Variants in PLA2R1 observed in about 807,000 individuals in gnomAD.
PLA2R1 encodes secretory phospholipase A2 receptor.
Under a neutral mutation model 195.9 loss-of-function variants are expected in PLA2R1, and 158 were observed. The ratio of observed to expected loss-of-function variants is 0.81; its 90% CI spans 0.71 to 0.92. The LOEUF is 0.92. Among genes scored for constraint, PLA2R1 ranks in the 40% least tolerant of loss-of-function variants. The probability of loss-of-function intolerance (pLI) is 0.00; values close to 1 mark genes in which losing one functional copy is unlikely to be tolerated. For synonymous variants in PLA2R1, 586 were observed against 598.2 expected (o/e 0.98, Z 0.30); for missense variants, 1,626 against 1,764.6 (o/e 0.92, Z 1.41).
rs1020687532 is a variant in PLA2R1 at position 160,022,822 on chromosome 2, C to T, written c.1137G>A (p.Glu379=). Residue 379 remains glutamate (E), a synonymous_variant, in exon 7 of 30, where the codon GAG becomes GAA. Coordinates refer to ENST00000283243, the MANE Select transcript of PLA2R1 (RefSeq NM_007366.5). ...DAWKYYATHC[E]PGWNPYNRNC... Reference sequence around the variant, plus strand: ...TACGATTGTAGGGATTCCAGCCAGGCTCACAGTGGGTAGCATAATATTTCC... The same window carrying T: ...TACGATTGTAGGGATTCCAGCCAGGTTCACAGTGGGTAGCATAATATTTCC... 1.9e-6 allele frequency: 3 copies of T among 1,612,716 alleles called. No individual in the cohort carries two copies. The highest frequency in any genetic ancestry group is 1.7e-4 in the Middle Eastern group (1 of 6,058).
In PLA2R1 at chr2:159,947,462, G is replaced by C; in HGVS notation, c.3807C>G (p.Asp1269Glu). The C allele has an allele frequency of 6.2e-7, 1 of 1,613,214 alleles. No individual in the cohort carries two copies. Among genetic ancestry groups the C allele is most frequent in the Non-Finnish European group, 8.5e-7 (1 of 1,179,422 alleles). ...CATGAGCAGCCTCAAAACTCATACT[G>C]TCTAGGACTGTAGAAAAACTGTAGC... ...SNCYSFSTVL[D>E]SMSFEAAHEF... Residue 1269 changes from aspartate to glutamate, a missense_variant, in exon 26 of 30, where the codon GAC becomes GAG. Asp to Glu is a conservative substitution (Grantham distance 45, BLOSUM62 2). Transcript: ENST00000283243.
At chr2:159,950,517 T>C (rs770351730) in intron 24 of PLA2R1, among the ~76,000 whole-genome samples, 21 of 152,340 alleles carry the variant, frequency 1.4e-4, no homozygotes, top group African/African-American at 1.4e-4. Context: ...CAAATGTCTA[T>C]TCACAGGAGA....
At chr2:159,943,852 G>A (rs967724318) in intron 28 of PLA2R1, among the ~76,000 whole-genome samples, 3 of 151,350 alleles carry the variant, frequency 2.0e-5, no homozygotes, top group Admixed American at 2.0e-4. Context: ...CACTGTGGGG[G>A]TTTCAAACAT....
chr2:160,050,040 A>G (rs1192757574), intron 1 of PLA2R1, among the ~76,000 whole-genome samples: 1 of 152,202 alleles, frequency 6.6e-6, no homozygotes, highest in Non-Finnish European at 1.5e-5. Context: ...TGACAGGTGC[A>G]GGAAACCACC....
At chr2:159,991,156 C>T (rs17239981) in intron 11 of PLA2R1, among the ~76,000 whole-genome samples, 54,533 of 152,126 alleles carry the variant, frequency 0.36, 12,303 homozygotes, top group Non-Finnish European at 0.49. Flanking sequence ...TAAAATTATG[C>T]TCCTGTCCCA....
intron 17 of PLA2R1, among the ~76,000 whole-genome samples, chr2:159,974,257 G>A (rs1689387846): frequency 6.6e-6 from 1 of 152,134 alleles, no homozygotes; most frequent in South Asian, 2.1e-4. Flanking sequence ...ACCGTGTAGG[G>A]TTTTTAAATG....
chr2:159,958,647 G>T (rs1223926982), intron 20 of PLA2R1, among the ~76,000 whole-genome samples: 4 of 152,110 alleles, frequency 2.6e-5, no homozygotes, highest in Admixed American at 2.6e-4. Flanking sequence ...ACCCTAAAAT[G>T]GTTGTCAAAT....
At chr2:159,945,472 AT>A (rs1459387615) in intron 27 of PLA2R1, among the ~76,000 whole-genome samples, 1 of 152,116 alleles carries the variant, frequency 6.6e-6, no homozygotes, top group Non-Finnish European at 1.5e-5. Flanking sequence ...TCTTGCGATA[AT>A]TACTGAGAAT....
Position 159,996,441 on chromosome 2 carries a change from T to G in PLA2R1, c.1835-9083A>C, listed in dbSNP as rs143516403. On this transcript the variant is annotated intron_variant, in intron 11 of 29. Coordinates refer to ENST00000283243, the MANE Select transcript of PLA2R1 (RefSeq NM_007366.5). ...TCTTTGCTCCTCTAAAGATAAGGTG[T>G]TTTTCCCCTCTGGCTTCTTTCAAGA... 1.6e-3 allele frequency among the ~76,000 whole-genome samples: 248 copies of G among 152,182 alleles called. 1 individual carries two copies. Among genetic ancestry groups the G allele is most frequent in the Non-Finnish European group, 6.2e-4 (42 of 67,980 alleles).
chr2:159,928,321 ACCT>A (rs1205688037), downstream of PLA2R1, among the ~76,000 whole-genome samples: 13 of 152,090 alleles, frequency 8.5e-5, no homozygotes, highest in South Asian at 2.1e-4. Context: ...ACACCTATGC[ACCT>A]CCTACAGCAA....
At chr2:159,924,486 G>C in the PLA2R1 span, among the ~76,000 whole-genome samples, 1 of 152,318 alleles carries the variant, frequency 6.6e-6, no homozygotes, top group South Asian at 2.1e-4. Context: ...GGAGGCTGGG[G>C]AGTAGCTTCA....
chr2:160,020,094 G>T lies in PLA2R1; in HGVS notation c.1452+12C>A. The T allele has an allele frequency of 6.2e-7, 1 of 1,606,108 alleles. No individual in the cohort carries two copies. Among genetic ancestry groups the T allele is most frequent in the Non-Finnish European group, 8.5e-7 (1 of 1,175,566 alleles). On this transcript the variant is annotated intron_variant, in intron 8 of 29. Coordinates refer to ENST00000283243, the MANE Select transcript of PLA2R1 (RefSeq NM_007366.5). ...CCAGCAAAGTGAGCACTGAACAAATGAATCAACTTACAGACTGCTCTGCTG... is the reference window on the plus strand; with the variant it reads ...CCAGCAAAGTGAGCACTGAACAAATTAATCAACTTACAGACTGCTCTGCTG...
intron 3 of PLA2R1, among the ~76,000 whole-genome samples, chr2:160,036,216 A>G (rs1694155112): frequency 6.6e-6 from 1 of 152,218 alleles, no homozygotes; most frequent in African/African-American, 2.4e-5. Context: ...ACATCTCTAC[A>G]TAACTGACTC....
chr2:159,975,632 T>G (rs138213747), intron 17 of PLA2R1, among the ~76,000 whole-genome samples: 97 of 152,256 alleles, frequency 6.4e-4, no homozygotes, highest in Non-Finnish European at 1.2e-3. Flanking sequence ...ATCCACTTAT[T>G]TTTTCTAATA....
intron 17 of PLA2R1, among the ~76,000 whole-genome samples, chr2:159,970,895 T>C (rs1689114193): frequency 7.9e-6 from 1 of 127,094 alleles, no homozygotes; most frequent in African/African-American, 3.1e-5. Context: ...AAGTGGGAGC[T>C]GAACAATGAG....
chr2:159,957,884 G>A (rs2105175963), intron 20 of PLA2R1, among the ~76,000 whole-genome samples: 1 of 152,262 alleles, frequency 6.6e-6, no homozygotes, highest in South Asian at 2.1e-4. Flanking sequence ...TGTTTCATCT[G>A]GAACTTGCTG....
In PLA2R1 at chr2:159,977,366, G is replaced by C. The variant is rs763887959; in HGVS notation, c.2319C>G (p.Asn773Lys). 4.3e-6 allele frequency: 7 copies of C among 1,612,606 alleles called. No homozygotes were observed. The highest frequency in any genetic ancestry group is 5.1e-6 in the Non-Finnish European group (6 of 1,178,698). ...TTTTGTTTGCCTTATAAACAGCACA[G>C]TTTCTTGCATCTTCTCCAAAATAAG... ...DNTYFGEDARNCAVYKANKTL... is the reference protein window; with the variant it reads ...DNTYFGEDARKCAVYKANKTL... The change falls in exon 15 of 30, where the codon AAC becomes AAG. Residue 773 changes from asparagine to lysine, a missense_variant. By Grantham distance (94) the Asn-to-Lys change is moderately conservative (BLOSUM62 0). Coordinates refer to ENST00000283243, the MANE Select transcript of PLA2R1 (RefSeq NM_007366.5).
Position 160,042,108 on chromosome 2 carries a change from T to C in PLA2R1, c.584A>G (p.Glu195Gly). The change falls in exon 3 of 30, where the codon GAA becomes GGA. Residue 195 changes from glutamate (E) to glycine (G), a missense_variant. Transcript: ENST00000283243. ...NHQWHHECTR[E>G]GREDDLLWCA... The stretch of plus-strand genomic sequence containing the variant: ...CCACAGTAAGTCATCTTCCCGACCT[T>C]CACGGGTACATTCATGATGCCACTG... 2 of 1,614,146 alleles carry C rather than the reference T, an allele frequency of 1.2e-6. No individual in the cohort carries two copies. The highest frequency in any genetic ancestry group is 4.5e-5 in the East Asian group (2 of 44,884).
intron 23 of PLA2R1, among the ~76,000 whole-genome samples, chr2:159,952,424 T>G (rs1437383593): frequency 6.6e-6 from 1 of 152,228 alleles, no homozygotes; most frequent in East Asian, 1.9e-4. Flanking sequence ...CTGTATGTTA[T>G]GTACTAGGAT....
Sources: allele counts gnomAD v4.1 joint callset (sites outside exome capture counted in the v4.1 genomes callset), GRCh38; gene constraint gnomAD v4.1.1; transcripts MANE v1.5; gene names NCBI Gene and HGNC (gene_info 2026-07-23, HGNC 2026-07-21).